Variants in MYO3B observed in about 807,000 individuals in gnomAD.
The protein encoded by MYO3B is myosin-IIIb.
A neutral mutation model predicts 174.6 loss-of-function variants in MYO3B; 156 were observed. The observed-to-expected ratio is 0.89, with a 90% CI of 0.78 to 1.02. MYO3B has a LOEUF of 1.02. Among genes scored for constraint, MYO3B ranks in the 50% least tolerant of loss-of-function variants. The pLI, the probability that MYO3B is intolerant of heterozygous loss-of-function variation, is 0.00. For synonymous variants in MYO3B, 563 were observed against 569.1 expected (o/e 0.99, Z 0.15); for missense variants, 1,632 against 1,639.4 (o/e 1.00, Z 0.08).
chr2:170,492,918 A>T (rs1459285011), intron 25 of MYO3B, among the ~76,000 whole-genome samples: 3 of 152,362 alleles, frequency 2.0e-5, no homozygotes, highest in South Asian at 2.1e-4. Context: ...ACTGTGGTGC[A>T]TTTAACAAAG....
chr2:170,190,586 T>A (rs2092528571), intron 1 of MYO3B, among the ~76,000 whole-genome samples: 1 of 151,828 alleles, frequency 6.6e-6, no homozygotes, highest in Non-Finnish European at 1.5e-5. Context: ...TTCCCACTCT[T>A]CCCTCCCCTT....
chr2:170,291,662 A>G (rs1375603886), intron 7 of MYO3B, among the ~76,000 whole-genome samples: 1 of 150,930 alleles, frequency 6.6e-6, no homozygotes, highest in African/African-American at 2.4e-5. Flanking sequence ...TTTTATCTCT[A>G]TTTCATATTC....
chr2:170,572,648 A>G (rs1692517605), intron 32 of MYO3B, among the ~76,000 whole-genome samples: 1 of 149,778 alleles, frequency 6.7e-6, no homozygotes. Context: ...TCCTCCTCCC[A>G]CCAACAGCAT....
At chr2:170,562,726 A>G (rs1435106097) in intron 32 of MYO3B, among the ~76,000 whole-genome samples, 3 of 152,176 alleles carry the variant, frequency 2.0e-5, no homozygotes, top group African/African-American at 7.2e-5. Context: ...CAGTTTGTCC[A>G]TTTAAGAAAG....
At chr2:170,576,166 G>A (rs1433490992) in intron 32 of MYO3B, among the ~76,000 whole-genome samples, 1 of 152,216 alleles carries the variant, frequency 6.6e-6, no homozygotes, top group Non-Finnish European at 1.5e-5. Flanking sequence ...CAGTATCCCA[G>A]AGAATAATTT....
At chr2:170,497,920 G>A (rs536120923) in intron 25 of MYO3B, among the ~76,000 whole-genome samples, 1 of 146,124 alleles carries the variant, frequency 6.8e-6, no homozygotes, top group South Asian at 2.2e-4. Context: ...ACTCTAGCCT[G>A]GGCAACAAGA....
At chr2:170,401,073 G>A (rs1393274240) in intron 17 of MYO3B, among the ~76,000 whole-genome samples, 1 of 152,176 alleles carries the variant, frequency 6.6e-6, no homozygotes, top group East Asian at 1.9e-4. Context: ...GTGGCACAAA[G>A]AGTGAGAATC....
At chr2:170,550,139 G>A (rs1690784781) in intron 32 of MYO3B, among the ~76,000 whole-genome samples, 1 of 152,134 alleles carries the variant, frequency 6.6e-6, no homozygotes, top group South Asian at 2.1e-4. Flanking sequence ...GCTCCCTCAG[G>A]CTGAAAACAT....
intron 7 of MYO3B, among the ~76,000 whole-genome samples, chr2:170,322,413 G>A (rs948695903): frequency 3.3e-5 from 5 of 152,120 alleles, no homozygotes; most frequent in South Asian, 4.1e-4. Context: ...GCCAGGACCC[G>A]CAGCATAATC....
chr2:170,377,194 C>T (rs2094300266), intron 9 of MYO3B, among the ~76,000 whole-genome samples: 3 of 152,208 alleles, frequency 2.0e-5, no homozygotes, highest in Admixed American at 2.0e-4. Context: ...AGAACAATGA[C>T]ACAGAAATGG....
intron 32 of MYO3B, among the ~76,000 whole-genome samples, chr2:170,554,246 C>T (rs1311337333): frequency 1.3e-5 from 2 of 152,310 alleles, no homozygotes; most frequent in East Asian, 3.9e-4. Context: ...CAACTGAGGG[C>T]TCTGTTCAAA....
intron 32 of MYO3B, among the ~76,000 whole-genome samples, chr2:170,549,677 A>T (rs1690754551): frequency 6.6e-6 from 1 of 152,218 alleles, no homozygotes; most frequent in African/African-American, 2.4e-5. Context: ...CCTGTGACAG[A>T]AATGTTTTCC....
At chr2:170,627,155 T>C (rs919544905) in intron 32 of MYO3B, among the ~76,000 whole-genome samples, 1 of 152,226 alleles carries the variant, frequency 6.6e-6, no homozygotes, top group Admixed American at 6.5e-5. Flanking sequence ...GTTTTCCAGC[T>C]TGGTTCCATT....
rs563296676 is a variant in MYO3B, at chr2:170,257,282, A to G, written c.749+21146A>G. On this transcript the variant is annotated intron_variant, in intron 7 of 34. Transcript: ENST00000408978. ...ATATTCCACCCCACAATCACAGAATATACATTCTTCTCATCTCCATACAGA... is the reference window on the plus strand; with the variant it reads ...ATATTCCACCCCACAATCACAGAATGTACATTCTTCTCATCTCCATACAGA... Among the ~76,000 whole-genome samples, 169 of 152,290 alleles carry G rather than the reference A, an allele frequency of 1.1e-3. 3 individuals are homozygous for G. The South Asian group carries it at 0.021, about 19-fold the overall frequency.
chr2:170,629,058 G>A (rs1019957094), intron 32 of MYO3B, among the ~76,000 whole-genome samples: 2 of 152,182 alleles, frequency 1.3e-5, no homozygotes, highest in African/African-American at 4.8e-5. Context: ...CATACCCACA[G>A]TGTTCTGTCT....
intron 22 of MYO3B, among the ~76,000 whole-genome samples, chr2:170,409,160 C>G (rs1033834801): frequency 6.6e-6 from 1 of 152,246 alleles, no homozygotes; most frequent in Non-Finnish European, 1.5e-5. Context: ...CTTGTCAAAT[C>G]TGTTCACAAC....
intron 32 of MYO3B, among the ~76,000 whole-genome samples, chr2:170,584,973 AT>A (rs566194079): frequency 2.6e-5 from 4 of 152,224 alleles, no homozygotes; most frequent in Non-Finnish European, 5.9e-5. Flanking sequence ...GGTTCATGCT[AT>A]TGACTGTTAT....
At chr2:170,444,493 A>C (rs575320726) in intron 23 of MYO3B, among the ~76,000 whole-genome samples, 1 of 152,240 alleles carries the variant, frequency 6.6e-6, no homozygotes, top group East Asian at 1.9e-4. Context: ...CCTTCCAGCT[A>C]AAGTTTAACA....
chr2:170,403,338 G>A (rs974365246), intron 19 of MYO3B, among the ~76,000 whole-genome samples: 9 of 152,006 alleles, frequency 5.9e-5, no homozygotes, highest in Admixed American at 3.3e-4. Context: ...CCTTGAATTC[G>A]GGACATAGGT....
Sources: gnomAD v4.1 joint callset for allele counts (sites outside exome capture counted in the v4.1 genomes callset) on GRCh38, gnomAD v4.1.1 for gene constraint, MANE v1.5 for transcripts, NCBI Gene and HGNC (gene_info 2026-07-23, HGNC 2026-07-21) for gene names.